The following WFDC1 variants were observed in gnomAD, a reference collection of about 807,000 sequenced individuals.
The protein encoded by WFDC1 is WAP four-disulfide core domain 1, also known as WAP four-disulfide core domain protein 1.
A neutral mutation model predicts 32.9 loss-of-function variants in WFDC1; 39 were observed. The observed-to-expected ratio is 1.19, with a 90% CI of 0.92 to 1.55. The LOEUF (loss-of-function observed/expected upper bound fraction) is 1.55, where lower values mean the gene tolerates loss of function less well. WFDC1 is among the 40% of genes most tolerant of loss of function. The pLI, the probability that WFDC1 is intolerant of heterozygous loss-of-function variation, is 0.00. For synonymous variants in WFDC1, 184 were observed against 137.4 expected, an observed-to-expected ratio of 1.34 and a Z score of -2.37; for missense variants, 386 against 309.5, an observed-to-expected ratio of 1.25 and a Z score of -1.85.
At chr16:84,311,621 T>G (rs1907630402) in intron 1 of WFDC1, among the ~76,000 whole-genome samples, 2 of 141,470 alleles carry the variant, frequency 1.4e-5, no homozygotes, top group Non-Finnish European at 1.5e-5. Flanking sequence ...CTTGACCTCC[T>G]GGGATCAAAC....
chr16:84,311,037 ACT>A (rs1907585427), intron 1 of WFDC1, among the ~76,000 whole-genome samples: 4 of 152,126 alleles, frequency 2.6e-5, no homozygotes, highest in South Asian at 2.1e-4. Context: ...CCTGTATCTA[ACT>A]CTGTGTGTGT....
intron 4 of WFDC1, among the ~76,000 whole-genome samples, chr16:84,320,581 G>A (rs974184822): frequency 1.3e-5 from 2 of 152,174 alleles, no homozygotes; most frequent in East Asian, 3.8e-4. Context: ...AAACCATCTC[G>A]AACCCCACTC....
rs1433014358 is a variant in WFDC1 at position 84,324,410 on chromosome 16, G to C, written c.563-9G>C. The C allele has an allele frequency of 1.2e-6, 2 of 1,613,478 alleles. No individual in the cohort carries two copies. ...TAAAAGAAGTTTTTTCCTCTCACTT[G>C]TTTTCCAGATGGGCGAATCCTACGA... is the stretch of plus-strand genomic sequence containing the variant. On this transcript the variant is annotated splice_polypyrimidine_tract_variant and intron_variant, in intron 4 of 6. Transcript: ENST00000219454.
At chr16:84,311,527 CTTTT>C (rs35243949) in intron 1 of WFDC1, among the ~76,000 whole-genome samples, 1 of 88,700 alleles carries the variant, frequency 1.1e-5, no homozygotes. Flanking sequence ...TGCGCCTGGA[CTTTT>C]TTTTTTTTTT....
At chr16:84,307,862 C>T (rs113933526) in intron 1 of WFDC1, among the ~76,000 whole-genome samples, 2,007 of 152,236 alleles carry the variant, frequency 0.013, 18 homozygotes, top group Middle Eastern at 0.034. Flanking sequence ...TGGGATTATG[C>T]ACCTGCTGCG....
Position 84,319,602 on chromosome 16 carries a change from C to T in WFDC1, c.562+31C>T, listed in dbSNP as rs764880187. ...TGTGGCACCCCAGCCCTGATCCTGG[C>T]TCCTGCCCCAGTCCCCTTCTCCCTG... On this transcript the variant is annotated intron_variant, in intron 4 of 6. Coordinates refer to ENST00000219454, the MANE Select transcript of WFDC1 (RefSeq NM_021197.4). 5.0e-6 allele frequency: 8 copies of T among 1,606,012 alleles called. No individual in the cohort carries two copies. In the East Asian group the frequency reaches 1.6e-4, roughly 31 times the overall value.
Position 84,329,841 on chromosome 16 carries a change from A to G in WFDC1, c.*535A>G, listed in dbSNP as rs948487673. 2 of 152,172 alleles carry G rather than the reference A, an allele frequency of 1.3e-5. No homozygotes were observed. The highest frequency in any genetic ancestry group is 4.8e-5 in the African/African-American group (2 of 41,438). 9.4% of individuals were successfully genotyped at this position (152,172 alleles called of 1,614,324 possible). On this transcript the variant is annotated 3_prime_UTR_variant, in exon 7 of 7. Coordinates refer to ENST00000219454, the MANE Select transcript of WFDC1 (RefSeq NM_021197.4). ...CACAGAACAATAAAAACAACCAAAT[A>G]AGATGCCGAGTCTCTGGTGTTTTGT...
intron 1 of WFDC1, among the ~76,000 whole-genome samples, chr16:84,307,963 C>G (rs1329508073): frequency 2.0e-5 from 3 of 152,212 alleles, no homozygotes; most frequent in Non-Finnish European, 4.4e-5. Context: ...ACGCTCTGGT[C>G]TCCCCTCTGT....
intron 1 of WFDC1, among the ~76,000 whole-genome samples, chr16:84,302,797 C>G (rs1032720966): frequency 2.6e-5 from 4 of 152,170 alleles, no homozygotes; most frequent in Non-Finnish European, 4.4e-5. Flanking sequence ...GGGCCAACGT[C>G]TTCTGGTTCA....
rs542960688 is a variant in WFDC1 at position 84,295,481 on chromosome 16, A to T, written c.144+366A>T. 1.0e-4 allele frequency: 40 copies of T among 391,228 alleles called. 1 individual carries two copies. In the South Asian group the frequency reaches 3.4e-3, roughly 34 times the overall value. 24.2% of individuals were successfully genotyped at this position (391,228 alleles called of 1,614,324 possible). A position where few individuals can be genotyped will look rare whatever the true frequency, so the allele number is the denominator to read the frequency against. On this transcript the variant is annotated intron_variant, in intron 1 of 6. Transcript: ENST00000219454. ...TCAGTACCAAATGTTTGTGAAATAC[A>T]CTTATGCATTCATGTGGTTGTTTAT...
At chr16:84,301,572 C>T (rs943216715) in intron 1 of WFDC1, among the ~76,000 whole-genome samples, 11 of 152,084 alleles carry the variant, frequency 7.2e-5, no homozygotes, top group African/African-American at 2.7e-4. Context: ...CTCCGGAAAC[C>T]CCCAGCAGCA....
intron 4 of WFDC1, among the ~76,000 whole-genome samples, chr16:84,320,301 A>C (rs1908232584): frequency 6.6e-6 from 1 of 152,212 alleles, no homozygotes; most frequent in Non-Finnish European, 1.5e-5. Flanking sequence ...TTTTGACTTA[A>C]GATATTCTCA....
At chr16:84,312,763 C>G (rs548167203) in intron 1 of WFDC1, among the ~76,000 whole-genome samples, 198 bp from the exon 2 acceptor site, 19 of 152,264 alleles carry the variant, frequency 1.2e-4, no homozygotes, top group African/African-American at 4.3e-4. Flanking sequence ...TTCGTGCCGA[C>G]TGTTATAAAA....
At chr16:84,320,128 C>A (rs563570976) in intron 4 of WFDC1, among the ~76,000 whole-genome samples, 1 of 152,138 alleles carries the variant, frequency 6.6e-6, no homozygotes, top group Non-Finnish European at 1.5e-5. Flanking sequence ...TTTTCACTTT[C>A]AGTATGGTAA....
At chr16:84,310,415 T>A (rs1316388601) in intron 1 of WFDC1, among the ~76,000 whole-genome samples, 1 of 152,106 alleles carries the variant, frequency 6.6e-6, no homozygotes, top group African/African-American at 2.4e-5. Context: ...TTTGTGAGGT[T>A]CTGTGAGTCA....
At position 84,302,910 on chromosome 16, in the gene WFDC1, G is replaced by A. The variant is rs1358021990; in HGVS notation, c.144+7795G>A. Among the ~76,000 whole-genome samples the A allele has an allele frequency of 3.3e-5, 5 of 152,198 alleles. No homozygotes were observed. The South Asian group carries it at 8.3e-4, about 25-fold the overall frequency. Reference sequence around the variant, plus strand: ...GAATCAATTATGTTAAAACCTTCCGGAACAGAATAGAAGGGATGGAAAGTT... The same window carrying A: ...GAATCAATTATGTTAAAACCTTCCGAAACAGAATAGAAGGGATGGAAAGTT... On this transcript the variant is annotated intron_variant, in intron 1 of 6. Coordinates refer to ENST00000219454, the MANE Select transcript of WFDC1 (RefSeq NM_021197.4).
intron 2 of WFDC1, among the ~76,000 whole-genome samples, chr16:84,315,430 C>G (rs1299047047): frequency 6.6e-6 from 1 of 152,216 alleles, no homozygotes; most frequent in African/African-American, 2.4e-5. Context: ...ACTGCTGTAA[C>G]CCCAGCATCT....
At chr16:84,311,384 A>ATTTTTTTTTT (rs747950638) in intron 1 of WFDC1, among the ~76,000 whole-genome samples, 10 of 118,344 alleles carry the variant, frequency 8.4e-5, no homozygotes, top group Middle Eastern at 5.1e-3. Context: ...CGCCCGGCTA[A>ATTTTTTTTTT]TTTTTTTTCT....
At chr16:84,308,458 A>C (rs1272853419) in intron 1 of WFDC1, among the ~76,000 whole-genome samples, 1 of 152,154 alleles carries the variant, frequency 6.6e-6, no homozygotes, top group Admixed American at 6.5e-5. Flanking sequence ...AAAATGAAGA[A>C]TCATACTAGA....
Sources: gnomAD v4.1 joint callset for allele counts (sites outside exome capture counted in the v4.1 genomes callset) on GRCh38, gnomAD v4.1.1 for gene constraint, MANE v1.5 for transcripts, NCBI Gene and HGNC (gene_info 2026-07-23, HGNC 2026-07-21) for gene names.